CHCHD3: variants seen among roughly 807,000 people sequenced by gnomAD.
The protein encoded by CHCHD3 is coiled-coil-helix-coiled-coil-helix domain containing 3, also known as MICOS complex subunit MIC19.
A neutral mutation model predicts 38.2 loss-of-function variants in CHCHD3; 20 were observed. The observed-to-expected ratio is 0.52, with a 90% confidence interval of 0.37 to 0.76. The LOEUF is 0.76. Among genes scored for constraint, CHCHD3 ranks in the 30% least tolerant of loss-of-function variants. The pLI, the probability that CHCHD3 is intolerant of heterozygous loss-of-function variation, is 0.00. For synonymous variants in CHCHD3, 82 were observed against 100.0 expected, an observed-to-expected ratio of 0.82 and a Z score of 1.07; for missense variants, 245 against 279.2, an observed-to-expected ratio of 0.88 and a Z score of 0.87.
intron 3 of CHCHD3, among the ~76,000 whole-genome samples, chr7:132,991,219 TATC>T (rs531806194): frequency 6.6e-6 from 1 of 152,354 alleles, no homozygotes; most frequent in South Asian, 2.1e-4. Flanking sequence ...CTGTGCTTGT[TATC>T]ATTACATAAT....
At chr7:132,973,681 T>C in intron 4 of CHCHD3, 1 of 1,026,702 alleles carries the variant, frequency 9.7e-7, no homozygotes, top group Non-Finnish European at 1.2e-6. Flanking sequence ...AAGAAACTGA[T>C]TCATTACGCA....
At chr7:132,898,596 C>T (rs1449844445) in intron 4 of CHCHD3, among the ~76,000 whole-genome samples, 2 of 152,252 alleles carry the variant, frequency 1.3e-5, no homozygotes, top group East Asian at 3.9e-4. Flanking sequence ...AGTCCCGCGC[C>T]GTGCGCCCGC....
intron 3 of CHCHD3, among the ~76,000 whole-genome samples, chr7:132,991,658 G>GT (rs1812287614): frequency 6.6e-6 from 1 of 152,076 alleles, no homozygotes; most frequent in Non-Finnish European, 1.5e-5. Context: ...AGCAAACCCA[G>GT]TAAGATGAAA....
At chr7:132,952,367 G>A (rs557486443) in intron 4 of CHCHD3, among the ~76,000 whole-genome samples, 46 of 152,264 alleles carry the variant, frequency 3.0e-4, no homozygotes, top group Admixed American at 1.4e-3. Context: ...TGAGCCTCTC[G>A]ATGCTAGAAC....
At chr7:133,027,857 G>C (rs1447210690) in intron 2 of CHCHD3, among the ~76,000 whole-genome samples, 1 of 152,118 alleles carries the variant, frequency 6.6e-6, no homozygotes, top group East Asian at 1.9e-4. Flanking sequence ...GGCAGTAAGA[G>C]CTCCACAAAA....
At chr7:133,024,829 T>C (rs1813292093) in intron 2 of CHCHD3, among the ~76,000 whole-genome samples, 1 of 152,194 alleles carries the variant, frequency 6.6e-6, no homozygotes, top group South Asian at 2.1e-4. Flanking sequence ...AAGAGTTCCC[T>C]AGTGACCTAG....
chr7:132,870,575 G>A (rs756673461), intron 5 of CHCHD3, among the ~76,000 whole-genome samples: 11 of 151,460 alleles, frequency 7.3e-5, no homozygotes, highest in Non-Finnish European at 1.3e-4. Context: ...ACATCCCCAA[G>A]GAAGTACAAT....
intron 5 of CHCHD3, among the ~76,000 whole-genome samples, chr7:132,862,157 G>A (rs1031967168): frequency 4.0e-5 from 6 of 151,670 alleles, no homozygotes; most frequent in African/African-American, 1.2e-4. Context: ...AAGAAGAAAC[G>A]AATGAAATAA....
intron 3 of CHCHD3, among the ~76,000 whole-genome samples, chr7:132,981,443 T>C (rs886970179): frequency 1.3e-5 from 2 of 152,246 alleles, no homozygotes; most frequent in African/African-American, 2.4e-5. Flanking sequence ...GTTTCCATTA[T>C]ACTACTCACC....
At chr7:132,911,133 C>T (rs1030539248) in intron 4 of CHCHD3, among the ~76,000 whole-genome samples, 40 of 152,156 alleles carry the variant, frequency 2.6e-4, no homozygotes, top group African/African-American at 9.2e-4. Flanking sequence ...TCCACAAACA[C>T]AGTCCAGTAG....
intron 6 of CHCHD3, among the ~76,000 whole-genome samples, chr7:132,825,503 T>C (rs1439305186): frequency 2.6e-5 from 4 of 152,228 alleles, no homozygotes; most frequent in Non-Finnish European, 4.4e-5. Flanking sequence ...AACCAGGATG[T>C]CTTAAAGATG....
In CHCHD3 at chr7:133,070,201, T is replaced by C. The variant is rs1814779419; in HGVS notation, c.110A>G (p.Lys37Arg). The change falls in exon 2 of 8, where the codon AAG becomes AGG. Residue 37 changes from lysine to arginine, a missense_variant. Physicochemically the swap from Lys to Arg is conservative, Grantham distance 26. Coordinates refer to ENST00000262570, the MANE Select transcript of CHCHD3 (RefSeq NM_017812.4). ...CTTCGAACCAGATGGAGAGGATTCC[T>C]TCATTCGATCAATCACATTTTCCGA... ...RLSENVIDRM[K>R]ESSPSGSKSQ... The C allele has an allele frequency of 6.2e-7, 1 of 1,613,440 alleles. No homozygotes were observed. Among genetic ancestry groups the C allele is most frequent in the Non-Finnish European group, 8.5e-7 (1 of 1,179,938 alleles).
intron 2 of CHCHD3, among the ~76,000 whole-genome samples, chr7:133,061,690 T>C (rs1814520826): frequency 6.6e-6 from 1 of 152,204 alleles, no homozygotes; most frequent in Non-Finnish European, 1.5e-5. Flanking sequence ...ATGACTACCC[T>C]GTAACTGAAA....
At chr7:132,978,543 GAATA>G (rs144255546) in intron 3 of CHCHD3, among the ~76,000 whole-genome samples, 3,092 of 152,196 alleles carry the variant, frequency 0.02, 84 homozygotes, top group South Asian at 0.13. Context: ...ATGAATGAAT[GAATA>G]AATAAATAAA....
At chr7:133,063,044 C>G (rs1814564623) in intron 2 of CHCHD3, among the ~76,000 whole-genome samples, 1 of 152,238 alleles carries the variant, frequency 6.6e-6, no homozygotes, top group South Asian at 2.1e-4. Context: ...CACTGCAGCA[C>G]TTTCTTTGTG....
chr7:132,846,955 A>T (rs1278345905), intron 5 of CHCHD3, among the ~76,000 whole-genome samples: 1 of 152,208 alleles, frequency 6.6e-6, no homozygotes, highest in Non-Finnish European at 1.5e-5. Flanking sequence ...TAAACAAGTA[A>T]GGGGTTTATT....
chr7:133,055,975 T>A (rs2117510223), intron 2 of CHCHD3, among the ~76,000 whole-genome samples: 1 of 151,946 alleles, frequency 6.6e-6, no homozygotes, highest in Admixed American at 6.6e-5. Flanking sequence ...TGAGACCCCG[T>A]CTCTACAAAA....
chr7:132,972,723 T>A, intron 4 of CHCHD3: 1 of 985,428 alleles, frequency 1.0e-6, no homozygotes, highest in Non-Finnish European at 1.2e-6. Flanking sequence ...ATGGCATAAA[T>A]TCCACTTTTA....
chr7:132,905,825 C>T (rs578099111), intron 4 of CHCHD3, among the ~76,000 whole-genome samples: 1 of 152,264 alleles, frequency 6.6e-6, no homozygotes, highest in Non-Finnish European at 1.5e-5. Context: ...ATTTACTAAT[C>T]GAGATGAGTA....
Sources: gnomAD v4.1 joint callset for allele counts (sites outside exome capture counted in the v4.1 genomes callset) on GRCh38, gnomAD v4.1.1 for gene constraint, MANE v1.5 for transcripts, NCBI Gene and HGNC (gene_info 2026-07-23, HGNC 2026-07-21) for gene names.